DCC: variants seen among roughly 807,000 people sequenced by gnomAD.
DCC encodes the protein netrin receptor DCC.
Under a neutral mutation model 172.5 loss-of-function variants are expected in DCC, and 58 were observed. The ratio of observed to expected loss-of-function variants is 0.34; its 90% CI spans 0.27 to 0.42. DCC has a LOEUF of 0.42. Among genes scored for constraint, DCC ranks in the 10% least tolerant of loss-of-function variants. The probability of loss-of-function intolerance (pLI) is 1.00; values close to 1 mark genes in which losing one functional copy is unlikely to be tolerated. For synonymous variants in DCC, 709 were observed against 644.5 expected (o/e 1.10, Z -1.52); for missense variants, 1,740 against 1,791.0 (o/e 0.97, Z 0.51).
intron 1 of DCC, among the ~76,000 whole-genome samples, chr18:52,615,979 A>G (rs1025241738): frequency 7.9e-5 from 12 of 152,216 alleles, no homozygotes; most frequent in African/African-American, 2.9e-4. Context: ...TATATGAATG[A>G]ATGAATAATT....
chr18:53,185,330 G>A (rs2055263490), intron 9 of DCC, among the ~76,000 whole-genome samples: 1 of 152,094 alleles, frequency 6.6e-6, no homozygotes, highest in Admixed American at 6.6e-5. Flanking sequence ...ACCTCTAGAA[G>A]ACTTCAAAGC....
chr18:52,790,358 C>T (rs55731782), intron 2 of DCC, among the ~76,000 whole-genome samples: 6 of 152,226 alleles, frequency 3.9e-5, no homozygotes, highest in South Asian at 2.1e-4. Flanking sequence ...TCACAAATCC[C>T]TTTTCATTAA....
At chr18:52,741,958 A>G (rs919614245) in intron 1 of DCC, among the ~76,000 whole-genome samples, 1 of 152,190 alleles carries the variant, frequency 6.6e-6, no homozygotes, top group East Asian at 1.9e-4. Flanking sequence ...GTTAGACAAG[A>G]TCATAAAGGT....
In DCC at chr18:52,906,337, A is replaced by G; in HGVS notation, c.697+9A>G. The G allele has an allele frequency of 5.0e-6, 8 of 1,613,642 alleles. No individual in the cohort carries two copies. Among genetic ancestry groups the G allele is most frequent in the Middle Eastern group, 1.7e-4 (1 of 6,056 alleles). On this transcript the variant is annotated intron_variant, in intron 3 of 28. Transcript: ENST00000442544. ...AGTCAGAATTTTATCAGGTATTGCA[A>G]TGCTCTTTGTTGCCTTCAGAATGAT...
intron 7 of DCC, among the ~76,000 whole-genome samples, chr18:53,100,886 A>C (rs1055087236): frequency 6.6e-6 from 1 of 152,180 alleles, no homozygotes; most frequent in Non-Finnish European, 1.5e-5. Flanking sequence ...CCATCCTTGC[A>C]TGTGGCATCT....
intron 1 of DCC, among the ~76,000 whole-genome samples, chr18:52,427,284 C>T (rs542654859): frequency 2.6e-4 from 40 of 152,140 alleles, no homozygotes; most frequent in African/African-American, 8.9e-4. Context: ...TGCTAATGTT[C>T]GTTAAGATCA....
intron 1 of DCC, among the ~76,000 whole-genome samples, chr18:52,464,816 G>A (rs538300637): frequency 1.6e-4 from 24 of 151,902 alleles, no homozygotes; most frequent in African/African-American, 2.2e-4. Context: ...CATGTAAAGC[G>A]ACTTTTTCCT....
rs116454386 is a variant in DCC at position 52,561,164 on chromosome 18, G to A, written c.92-190890G>A. ...TTTACAAATGTACAGGTATTATATAGGAGTTTGGTTAAATATATTTTATTG... is the reference window on the plus strand; with the variant it reads ...TTTACAAATGTACAGGTATTATATAAGAGTTTGGTTAAATATATTTTATTG... On this transcript the variant is annotated intron_variant, in intron 1 of 28. Transcript: ENST00000442544. 3.7e-3 allele frequency among the ~76,000 whole-genome samples: 562 copies of A among 151,868 alleles called. 6 individuals carry two copies. The highest frequency in any genetic ancestry group is 0.013 in the African/African-American group (534 of 41,432).
intron 5 of DCC, among the ~76,000 whole-genome samples, chr18:53,010,135 G>C (rs1358330881): frequency 4.0e-5 from 6 of 151,824 alleles, no homozygotes. Context: ...TCATCCCCAA[G>C]CTTATTTCAT....
intron 1 of DCC, among the ~76,000 whole-genome samples, chr18:52,375,111 A>G (rs1490593388): frequency 1.3e-5 from 2 of 152,198 alleles, no homozygotes; most frequent in Non-Finnish European, 2.9e-5. Flanking sequence ...GCCTTTTGAC[A>G]AAAGAATGTG....
At chr18:52,430,360 A>T (rs1145243) in intron 1 of DCC, among the ~76,000 whole-genome samples, 2 of 151,426 alleles carry the variant, frequency 1.3e-5, no homozygotes, top group African/African-American at 4.9e-5. Context: ...GGAGAAAAAA[A>T]AAGATGTGAA....
At chr18:52,678,237 C>T (rs1393786028) in intron 1 of DCC, among the ~76,000 whole-genome samples, 1 of 152,082 alleles carries the variant, frequency 6.6e-6, no homozygotes, top group Non-Finnish European at 1.5e-5. Context: ...AAGAAACACA[C>T]AAAAGGCAGA....
chr18:53,008,729 T>C (rs192240119), intron 5 of DCC, among the ~76,000 whole-genome samples: 1 of 150,064 alleles, frequency 6.7e-6, no homozygotes, highest in Admixed American at 6.7e-5. Flanking sequence ...TTAATAGAAA[T>C]TGTAAAATAT....
chr18:53,479,910 C>T (rs191775967), intron 25 of DCC, among the ~76,000 whole-genome samples: 1 of 152,204 alleles, frequency 6.6e-6, no homozygotes, highest in East Asian at 1.9e-4. Flanking sequence ...CTGGGGGTAA[C>T]TTATGAATGA....
chr18:53,435,389 A>C (rs1298720317), intron 22 of DCC, among the ~76,000 whole-genome samples, 180 bp downstream of exon 22: 1 of 152,148 alleles, frequency 6.6e-6, no homozygotes, highest in Non-Finnish European at 1.5e-5. Context: ...AAAAACAAAA[A>C]ACTTCTAGCA....
In DCC at chr18:52,396,056, A is replaced by C. The variant is rs373306873; in HGVS notation, c.91+55178A>C. ...GCCAGCTTTCAGTGTATTCTGAGGAAGGAAAAGGGAAACAGACTATCAAAT... is the reference window on the plus strand; with the variant it reads ...GCCAGCTTTCAGTGTATTCTGAGGACGGAAAAGGGAAACAGACTATCAAAT... On this transcript the variant is annotated intron_variant, in intron 1 of 28. Transcript: ENST00000442544. Among the ~76,000 whole-genome samples, 296 of 152,186 alleles carry C rather than the reference A, an allele frequency of 1.9e-3. 1 individual carries two copies. The highest frequency in any genetic ancestry group is 6.9e-3 in the African/African-American group (286 of 41,548).
chr18:52,824,967 C>CATATATATATATAGAT (rs1555669884), intron 2 of DCC, among the ~76,000 whole-genome samples: 13 of 148,286 alleles, frequency 8.8e-5, no homozygotes, highest in Non-Finnish European at 1.5e-4. Flanking sequence ...GAGACTCCCT[C>CATATATATATATAGAT]ATATATATAT....
Position 52,953,312 on chromosome 18 carries a change from T to C in DCC, c.985+27942T>C, listed in dbSNP as rs1014969491. ...TCCATACATCCTCACCCCTTCTCTATGGTTGCCCCACCGCTGTTAGAGCAG... is the reference window on the plus strand; with the variant it reads ...TCCATACATCCTCACCCCTTCTCTACGGTTGCCCCACCGCTGTTAGAGCAG... On this transcript the variant is annotated intron_variant, in intron 5 of 28. Transcript: ENST00000442544. Among the ~76,000 whole-genome samples the C allele has an allele frequency of 2.6e-5, 4 of 152,188 alleles. No homozygotes were observed. The East Asian group carries it at 5.8e-4, about 22-fold the overall frequency.
chr18:52,924,991 A>G (rs1253083456), intron 4 of DCC, among the ~76,000 whole-genome samples: 1 of 151,666 alleles, frequency 6.6e-6, no homozygotes, highest in Non-Finnish European at 1.5e-5. Flanking sequence ...TTTTAGCACT[A>G]AAGTTACTTC....
Sources: gnomAD v4.1 joint callset for allele counts (sites outside exome capture counted in the v4.1 genomes callset) on GRCh38, gnomAD v4.1.1 for gene constraint, MANE v1.5 for transcripts, NCBI Gene and HGNC (gene_info 2026-07-23, HGNC 2026-07-21) for gene names.